The following PLCE1 variants were observed in gnomAD, a reference collection of about 807,000 sequenced individuals.
PLCE1 encodes phospholipase C epsilon 1.
In PLCE1, 119 loss-of-function variants were observed where a neutral mutation model predicts 242.8. The ratio of observed to expected loss-of-function variants is 0.49; its 90% CI spans 0.42 to 0.57. The LOEUF (loss-of-function observed/expected upper bound fraction) is 0.57, where lower values mean the gene tolerates loss of function less well. PLCE1 is among the 20% of genes least tolerant of loss of function. The pLI is 0.00. For synonymous variants in PLCE1, 945 were observed against 1,017.4 expected (o/e 0.93, Z 1.35); for missense variants, 2,441 against 2,788.8 (o/e 0.88, Z 2.81).
chr10:94,324,554 A>T lies in PLCE1; in HGVS notation c.6707A>T (p.Lys2236Met). 2 of 1,613,480 alleles carry T rather than the reference A, an allele frequency of 1.2e-6. No individual in the cohort carries two copies. The highest frequency in any genetic ancestry group is 1.7e-6 in the Non-Finnish European group (2 of 1,179,360). The change falls in exon 31 of 33, where the codon AAG becomes ATG. Residue 2236 changes from lysine to methionine, a missense_variant. Coordinates refer to ENST00000371380, the MANE Select transcript of PLCE1 (RefSeq NM_016341.4). ...KGAGKFILKL[K>M]EQVQASREDK... is the part of the protein sequence containing the mutation. ...GCAGGAAAATTCATCCTTAAGCTAA[A>T]GGAGCAGGTGCAGGTAAAGTTTAAA...
rs373489516 is a variant in PLCE1 at position 94,324,487 on chromosome 10, G to A, written c.6640G>A (p.Asp2214Asn). 3.5e-5 allele frequency: 56 copies of A among 1,614,202 alleles called. No individual in the cohort carries two copies. The African/African-American group carries it at 6.8e-4, about 20-fold the overall frequency. The change falls in exon 31 of 33, where the codon GAT becomes AAT. Residue 2214 changes from aspartate (D) to asparagine (N), a missense_variant. Around this residue, in one of 5 missense-constraint regions of PLCE1, gnomAD observed 310 missense variants for 317.2 expected, o/e 0.98. Transcript: ENST00000371380. ...TPKSSQRVLL[D>N]QECVFQAQSK... ...AAAGTCCTCTCAGCGGGTCCTTCTGGATCAGGAGTGTGTGTTTCAAGCCCA... is the reference window on the plus strand; with the variant it reads ...AAAGTCCTCTCAGCGGGTCCTTCTGAATCAGGAGTGTGTGTTTCAAGCCCA...
intron 2 of PLCE1, among the ~76,000 whole-genome samples, chr10:94,078,841 A>G (rs927676557): frequency 2.0e-5 from 3 of 152,170 alleles, no homozygotes; most frequent in Admixed American, 1.3e-4. Flanking sequence ...GCTCTGTTTC[A>G]TGCTTAGCAA....
At chr10:94,111,507 C>T (rs2045954785) in intron 2 of PLCE1, among the ~76,000 whole-genome samples, 1 of 152,202 alleles carries the variant, frequency 6.6e-6, no homozygotes, top group Admixed American at 6.5e-5. Context: ...TCCTCAGAGC[C>T]TAGGGCAGCC....
At chr10:94,048,850 A>C (rs1387761637) in intron 2 of PLCE1, among the ~76,000 whole-genome samples, 1 of 151,408 alleles carries the variant, frequency 6.6e-6, no homozygotes, top group Admixed American at 6.6e-5. Context: ...TCGCTACAGT[A>C]TCAAACTTCT....
chr10:94,327,753 G>A (rs892977395), intron 32 of PLCE1, among the ~76,000 whole-genome samples: 1 of 152,050 alleles, frequency 6.6e-6, no homozygotes, highest in African/African-American at 2.4e-5. Flanking sequence ...ACTTTCTAAA[G>A]AATGTGAAAT....
intron 7 of PLCE1, among the ~76,000 whole-genome samples, chr10:94,241,808 G>GC: frequency 7.2e-6 from 1 of 138,238 alleles, no homozygotes; most frequent in Non-Finnish European, 1.6e-5. Context: ...AAAAAAAAAA[G>GC]CCCCTCTAGA....
At chr10:94,014,941 G>A (rs2061250684) in intron 1 of PLCE1, among the ~76,000 whole-genome samples, 1 of 152,202 alleles carries the variant, frequency 6.6e-6, no homozygotes, top group Non-Finnish European at 1.5e-5. Flanking sequence ...TCAGCCTCAT[G>A]GGAAGACAAA....
rs2047444081 is a variant in PLCE1 at position 94,156,704 on chromosome 10, G to T, written c.1493-14476G>T. The stretch of plus-strand genomic sequence containing the variant: ...CCTTTCCCCTCCCTAGAGGATGGTG[G>T]GTGGGGCTTAAACTTCCAAGCTTGT... On this transcript the variant is annotated intron_variant, in intron 3 of 32. Coordinates refer to ENST00000371380, the MANE Select transcript of PLCE1 (RefSeq NM_016341.4). Among the ~76,000 whole-genome samples the T allele has an allele frequency of 2.6e-5, 4 of 152,144 alleles. 1 individual carries two copies. The South Asian group carries it at 8.3e-4, about 32-fold the overall frequency.
chr10:94,190,422 A>C (rs919976632), intron 4 of PLCE1, among the ~76,000 whole-genome samples: 4 of 152,200 alleles, frequency 2.6e-5, no homozygotes, highest in African/African-American at 9.7e-5. Flanking sequence ...CAGCCTGGGA[A>C]AAACAGCAAG....
chr10:94,144,534 T>C (rs1287203482), intron 3 of PLCE1, among the ~76,000 whole-genome samples: 1 of 152,176 alleles, frequency 6.6e-6, no homozygotes, highest in East Asian at 1.9e-4. Flanking sequence ...GGTTACATGT[T>C]CATAACACAG....
intron 1 of PLCE1, among the ~76,000 whole-genome samples, chr10:94,008,248 T>A (rs573864495): frequency 1.7e-3 from 256 of 146,350 alleles, no homozygotes; most frequent in African/African-American, 6.3e-3. Flanking sequence ...TCAGGTAAAT[T>A]TATCTAGATC....
At chr10:94,006,481 T>C (rs2061039874) in intron 1 of PLCE1, among the ~76,000 whole-genome samples, 1 of 152,236 alleles carries the variant, frequency 6.6e-6, no homozygotes, top group Non-Finnish European at 1.5e-5. Flanking sequence ...GTGAGACTTT[T>C]TCACATGTTT....
chr10:94,069,464 A>G (rs1223443374), intron 2 of PLCE1, among the ~76,000 whole-genome samples: 1 of 151,984 alleles, frequency 6.6e-6, no homozygotes, highest in Admixed American at 6.6e-5. Flanking sequence ...ACACACAAAA[A>G]TAACCAGGAG....
At chr10:94,287,129 C>T (rs573620656) in intron 22 of PLCE1, 4 of 152,202 alleles carry the variant, frequency 2.6e-5, no homozygotes, top group African/African-American at 4.8e-5. Flanking sequence ...TGTGGTTGTT[C>T]GGCTTATTTT....
At chr10:94,055,758 T>C (rs1429680007) in intron 2 of PLCE1, among the ~76,000 whole-genome samples, 1 of 152,208 alleles carries the variant, frequency 6.6e-6, no homozygotes, top group East Asian at 1.9e-4. Flanking sequence ...ATACATACTT[T>C]ACAGAGTTAT....
At chr10:94,176,513 G>A (rs1207266171) in intron 4 of PLCE1, among the ~76,000 whole-genome samples, 1 of 152,156 alleles carries the variant, frequency 6.6e-6, no homozygotes, top group East Asian at 1.9e-4. Flanking sequence ...GAAAATTGAT[G>A]TTATAAGCCC....
Position 94,255,878 on chromosome 10 carries a change from T to A in PLCE1, c.3554+829T>A, listed in dbSNP as rs529440443. Among the ~76,000 whole-genome samples, 119 of 66,754 alleles carry A rather than the reference T, an allele frequency of 1.8e-3. No homozygotes were observed. The East Asian group carries it at 0.025, about 14-fold the overall frequency. 43.8% of individuals were successfully genotyped at this position (66,754 alleles called of 152,430 possible). A position where few individuals can be genotyped will look rare whatever the true frequency, so the allele number is the denominator to read the frequency against. On this transcript the variant is annotated intron_variant, in intron 11 of 32. Transcript: ENST00000371380. ...TAAAACAGGAACTCTTTACTTTATC[T>A]CACACACACACACACACACACACAC...
intron 1 of PLCE1, among the ~76,000 whole-genome samples, chr10:94,013,488 C>T (rs944318134): frequency 1.3e-5 from 2 of 152,194 alleles, no homozygotes; most frequent in African/African-American, 4.8e-5. Flanking sequence ...CTACAAATCA[C>T]CTTGTGAGGT....
intron 4 of PLCE1, among the ~76,000 whole-genome samples, chr10:94,209,154 A>T (rs917143316): frequency 2.6e-5 from 4 of 152,176 alleles, no homozygotes; most frequent in Admixed American, 2.0e-4. Flanking sequence ...GGCATGTAAA[A>T]CAGGACATCT....
Sources: gnomAD v4.1 joint callset for allele counts (sites outside exome capture counted in the v4.1 genomes callset) on GRCh38, gnomAD v4.1.1 for gene constraint, gnomAD v4.1.1 regional missense constraint, MANE v1.5 for transcripts, NCBI Gene and HGNC (gene_info 2026-07-23, HGNC 2026-07-21) for gene names.